Variants in DMD observed in about 807,000 individuals in gnomAD.
DMD encodes the protein dystrophin.
Under a neutral mutation model 330.1 loss-of-function variants are expected in DMD, and 63 were observed. The ratio of observed to expected loss-of-function variants is 0.19; its 90% CI spans 0.16 to 0.24. The LOEUF is 0.24. Among genes scored for constraint, DMD ranks in the 10% least tolerant of loss-of-function variants. The pLI is 1.00. For synonymous variants in DMD, 1,223 were observed against 959.8 expected, an observed-to-expected ratio of 1.27 and a Z score of -5.07; for missense variants, 3,344 against 2,684.1, an observed-to-expected ratio of 1.25 and a Z score of -5.43.
chrX:32,124,621 T>C (rs1325814160), intron 44 of DMD, among the ~76,000 whole-genome samples: 1 of 112,274 alleles, frequency 8.9e-6, no homozygotes, highest in African/African-American at 3.2e-5. Flanking sequence ...ACTGTGGTTC[T>C]ATGAATTCAG....
chrX:32,545,095 A>G, intron 17 of DMD, 64 bp downstream of exon 17: 1 of 1,101,832 alleles, frequency 9.1e-7, no homozygotes, highest in Non-Finnish European at 1.3e-6. Context: ...AACACCACCA[A>G]CAAAACTGCT....
chrX:32,859,166 G>C (rs1043749416), intron 2 of DMD, among the ~76,000 whole-genome samples: 1 of 110,984 alleles, frequency 9.0e-6, no homozygotes, highest in Non-Finnish European at 1.9e-5. Flanking sequence ...CCAAATTCTA[G>C]GTGTAAAAAC....
At chrX:32,110,444 G>T (rs1234177658) in intron 44 of DMD, among the ~76,000 whole-genome samples, 1 of 111,917 alleles carries the variant, frequency 8.9e-6, no homozygotes, top group Non-Finnish European at 1.9e-5. Context: ...CTGTTATCAT[G>T]CAACAGTGTG....
intron 43 of DMD, among the ~76,000 whole-genome samples, chrX:32,279,415 G>A (rs1028871881): frequency 5.4e-5 from 6 of 111,385 alleles, no homozygotes; most frequent in East Asian, 5.6e-4. Flanking sequence ...CAACCTGAGC[G>A]TCCATCAAGA....
intron 9 of DMD, among the ~76,000 whole-genome samples, chrX:32,685,964 GAATT>G (rs1405927294): frequency 2.7e-5 from 3 of 111,567 alleles, no homozygotes; most frequent in African/African-American, 9.8e-5. Context: ...CTCTTCAAAA[GAATT>G]AATATTTTTC....
At chrX:33,131,973 A>G (rs2095502429) in intron 1 of DMD, among the ~76,000 whole-genome samples, 1 of 112,131 alleles carries the variant, frequency 8.9e-6, no homozygotes, top group African/African-American at 3.2e-5. Context: ...ACCTGAAATG[A>G]ATAGACAAAA....
chrX:32,596,738 G>A (rs1249770689), intron 12 of DMD, among the ~76,000 whole-genome samples: 5 of 109,680 alleles, frequency 4.6e-5, no homozygotes, highest in Non-Finnish European at 9.5e-5. Context: ...GTTGAGACGG[G>A]ATTTCACCAC....
rs5012356 is a variant in DMD at position 31,343,622 on chromosome X, A to T, written c.9163+4934T>A. Among the ~76,000 whole-genome samples the T allele has an allele frequency of 8.5e-3, 716 of 84,281 alleles. 5 individuals are homozygous for T. Among genetic ancestry groups the T allele is most frequent in the East Asian group, 0.028 (63 of 2,234 alleles). 73.2% of individuals were successfully genotyped at this position (84,281 alleles called of 115,157 possible). On this transcript the variant is annotated intron_variant, in intron 61 of 78. Transcript: ENST00000357033. ...GTGTGTGTGTGTGTGTGTGTGTGAGAGAGAGAGAGAGAGAGAGTGCACACA... is the reference window on the plus strand; with the variant it reads ...GTGTGTGTGTGTGTGTGTGTGTGAGTGAGAGAGAGAGAGAGAGTGCACACA...
chrX:33,096,510 T>A (rs2095167907), intron 1 of DMD, among the ~76,000 whole-genome samples: 1 of 106,111 alleles, frequency 9.4e-6, no homozygotes, highest in East Asian at 2.9e-4. Flanking sequence ...ACTTTTTTTT[T>A]TTTTATTTTT....
chrX:32,778,097 A>C (rs2074353496), intron 7 of DMD, among the ~76,000 whole-genome samples: 2 of 111,715 alleles, frequency 1.8e-5, no homozygotes, highest in South Asian at 7.5e-4. Context: ...TGTTAATTAA[A>C]AATAATACAG....
intron 60 of DMD, among the ~76,000 whole-genome samples, chrX:31,368,584 T>C (rs1352715856): frequency 1.8e-5 from 2 of 111,884 alleles, no homozygotes; most frequent in Non-Finnish European, 3.8e-5. Flanking sequence ...TCATCTTTCT[T>C]TGTCGCTTCA....
intron 44 of DMD, among the ~76,000 whole-genome samples, chrX:32,176,953 A>T (rs1165459545): frequency 9.0e-6 from 1 of 111,263 alleles, no homozygotes; most frequent in African/African-American, 3.3e-5. Flanking sequence ...GTACTTACTG[A>T]TCACTTATTA....
At chrX:32,489,470 T>G (rs2042788625) in intron 20 of DMD, among the ~76,000 whole-genome samples, 2 of 110,969 alleles carry the variant, frequency 1.8e-5, no homozygotes, top group Non-Finnish European at 3.8e-5. Flanking sequence ...AGGAAAGCCA[T>G]GTGAGGACAG....
chrX:32,178,753 A>G (rs1476617111), intron 44 of DMD, among the ~76,000 whole-genome samples: 5 of 110,368 alleles, frequency 4.5e-5, no homozygotes, highest in East Asian at 5.7e-4. Flanking sequence ...TTCATTTAGC[A>G]TAAGGTCCTC....
At chrX:32,160,814 T>A (rs2096846872) in intron 44 of DMD, among the ~76,000 whole-genome samples, 1 of 111,684 alleles carries the variant, frequency 9.0e-6, no homozygotes, top group Non-Finnish European at 1.9e-5. Context: ...CCAATCAATA[T>A]TGTTTTTTGT....
chrX:32,692,918 T>G (rs2063386289), intron 9 of DMD, among the ~76,000 whole-genome samples: 1 of 111,994 alleles, frequency 8.9e-6, no homozygotes, highest in Non-Finnish European at 1.9e-5. Context: ...CTTTATAAAA[T>G]TAATCTCATT....
chrX:32,530,175 T>C (rs765044768), intron 17 of DMD, among the ~76,000 whole-genome samples: 2 of 112,584 alleles, frequency 1.8e-5, no homozygotes, highest in South Asian at 3.6e-4. Flanking sequence ...TTATCAATTA[T>C]GGCATACCGA....
chrX:32,332,536 G>A (rs762317336), intron 41 of DMD, among the ~76,000 whole-genome samples: 12 of 109,329 alleles, frequency 1.1e-4, no homozygotes, highest in Non-Finnish European at 1.9e-4. Context: ...ATGGAGAAAC[G>A]GGGGAGGATT....
rs1042652653 is a variant in DMD at position 32,784,701 on chromosome X, C to T, written c.649+24792G>A. Among the ~76,000 whole-genome samples the T allele has an allele frequency of 1.3e-4, 15 of 111,367 alleles. 1 individual carries two copies. Among genetic ancestry groups the T allele is most frequent in the African/African-American group, 3.9e-4 (12 of 30,754 alleles). ...CAGAGTAAGAACTACTGTATGGATCCGTGGATTTTGGTATATTTAAAATCC... is the reference window on the plus strand; with the variant it reads ...CAGAGTAAGAACTACTGTATGGATCTGTGGATTTTGGTATATTTAAAATCC... On this transcript the variant is annotated intron_variant, in intron 7 of 78. Transcript: ENST00000357033.
Sources: gnomAD v4.1 joint callset for allele counts (sites outside exome capture counted in the v4.1 genomes callset) on GRCh38, gnomAD v4.1.1 for gene constraint, MANE v1.5 for transcripts, NCBI Gene and HGNC (gene_info 2026-07-23, HGNC 2026-07-21) for gene names.